PLAC1: variants seen among roughly 807,000 people sequenced by gnomAD.
PLAC1 encodes placenta-specific protein 1.
For missense variants in PLAC1, 136 were observed against 163.2 expected (o/e 0.83, Z 0.91); for synonymous variants, 68 against 62.1 (o/e 1.09, Z -0.44).
At chrX:134,708,912 C>T (rs778388157) in intron 2 of PLAC1, among the ~76,000 whole-genome samples, 3 of 111,157 alleles carry the variant, frequency 2.7e-5, no homozygotes, top group Non-Finnish European at 5.7e-5. Context: ...GTATCAATGT[C>T]GAATTCTTAG....
chrX:134,633,258 T>C (rs1181358321), intron 1 of PLAC1, among the ~76,000 whole-genome samples: 2 of 111,664 alleles, frequency 1.8e-5, no homozygotes, highest in Non-Finnish European at 3.8e-5. Context: ...TGATCAATGG[T>C]TTTGCTGCTC....
intron 2 of PLAC1, among the ~76,000 whole-genome samples, chrX:134,694,522 C>T (rs1310840689): frequency 8.9e-6 from 1 of 112,215 alleles, no homozygotes; most frequent in Non-Finnish European, 1.9e-5. Flanking sequence ...TCTCCTTGAG[C>T]AGGCCTGACT....
At chrX:134,656,049 A>G (rs1296504489) in intron 1 of PLAC1, among the ~76,000 whole-genome samples, 1 of 112,011 alleles carries the variant, frequency 8.9e-6, no homozygotes, top group Non-Finnish European at 1.9e-5. Context: ...GCCCTAAAGT[A>G]TTGCAACTGC....
intron 1 of PLAC1, among the ~76,000 whole-genome samples, chrX:134,626,485 C>G (rs924204178): frequency 4.4e-5 from 5 of 112,654 alleles, no homozygotes; most frequent in African/African-American, 1.6e-4. Context: ...TGTCTCCACA[C>G]ATAGGTCTCT....
At chrX:134,711,200 T>A (rs544167380) in intron 2 of PLAC1, among the ~76,000 whole-genome samples, 1 of 112,001 alleles carries the variant, frequency 8.9e-6, no homozygotes. Context: ...ATGATAGTCT[T>A]CCCTTAGGTT....
intron 2 of PLAC1, among the ~76,000 whole-genome samples, chrX:134,574,075 C>T (rs904596703): frequency 2.0e-5 from 2 of 101,882 alleles, no homozygotes; most frequent in Non-Finnish European, 3.9e-5. Flanking sequence ...CTCTCTGTCT[C>T]TCTCTCTCTC....
intron 1 of PLAC1, among the ~76,000 whole-genome samples, chrX:134,657,141 G>C (rs1378515573): frequency 8.9e-6 from 1 of 112,059 alleles, no homozygotes; most frequent in East Asian, 2.8e-4. Context: ...CAAGGGTTGC[G>C]ACCATCATCC....
chrX:134,566,162 G>A lies in PLAC1; in HGVS notation c.521C>T (p.Thr174Ile), dbSNP rs753350223. 1 of 1,209,727 alleles carries A rather than the reference G, an allele frequency of 8.3e-7. No homozygotes were observed. The highest frequency in any genetic ancestry group is 1.1e-6 in the Non-Finnish European group (1 of 894,973). ...PPCVFSEEEH[T>I]QVPCHQAGAQ... Reference sequence around the variant, plus strand: ...CCCTGCTTGGTGACAAGGGACCTGGGTATGCTCTTCTTCACTGAAGACACA... The same window carrying A: ...CCCTGCTTGGTGACAAGGGACCTGGATATGCTCTTCTTCACTGAAGACACA... Residue 174 changes from threonine (T) to isoleucine (I), a missense_variant, in exon 3 of 3, where the codon ACC becomes ATC. Transcript: ENST00000359237.
At chrX:134,595,080 G>A (rs1470431008) in intron 2 of PLAC1, among the ~76,000 whole-genome samples, 1 of 109,988 alleles carries the variant, frequency 9.1e-6, no homozygotes, top group East Asian at 2.8e-4. Flanking sequence ...CCAGTTCAAT[G>A]TATTTTAAAC....
Position 134,750,833 on chromosome X carries a change from ATT to A in PLAC1, n.89+13399_89+13400del, listed in dbSNP as rs1433381277. ...AAAAAATATATATATATATATATAT[ATT>A]TATATATATATTTATATATATATAT... On this transcript the variant is annotated intron_variant and non_coding_transcript_variant, in intron 1 of 2. Transcript: ENST00000466797. 4.8e-4 allele frequency among the ~76,000 whole-genome samples: 15 copies of A among 30,939 alleles called. 3 individuals carry two copies. Among genetic ancestry groups the A allele is most frequent in the African/African-American group, 2.6e-3 (12 of 4,611 alleles). 26.9% of individuals were successfully genotyped at this position (30,939 alleles called of 115,157 possible).
chrX:134,586,696 A>C (rs909345723), intron 2 of PLAC1, among the ~76,000 whole-genome samples: 1 of 79,878 alleles, frequency 1.3e-5, no homozygotes, highest in Non-Finnish European at 2.3e-5. Flanking sequence ...TTTGAGATGG[A>C]GCCTCACTCT....
intron 2 of PLAC1, chrX:134,601,608 A>G (rs1253748872): frequency 8.9e-6 from 1 of 112,055 alleles, no homozygotes; most frequent in Non-Finnish European, 1.9e-5. Flanking sequence ...TAGGCATTAG[A>G]CTCTCTCCTG....
intron 2 of PLAC1, among the ~76,000 whole-genome samples, chrX:134,708,350 G>A (rs1319339854): frequency 1.8e-5 from 2 of 111,196 alleles, no homozygotes; most frequent in Non-Finnish European, 3.8e-5. Context: ...TCCAGGGAAT[G>A]AAGAAAGGTA....
intron 1 of PLAC1, among the ~76,000 whole-genome samples, chrX:134,621,071 C>A (rs1044842361): frequency 1.8e-5 from 2 of 111,338 alleles, no homozygotes; most frequent in Non-Finnish European, 3.8e-5. Context: ...CTTGCCAGAC[C>A]AGTTTGTTTT....
chrX:134,629,314 T>C (rs1285854888), intron 1 of PLAC1, among the ~76,000 whole-genome samples: 2 of 111,916 alleles, frequency 1.8e-5, no homozygotes, highest in Non-Finnish European at 3.8e-5. Flanking sequence ...AGTATTTTTA[T>C]TGAGAGTTTT....
chrX:134,686,740 C>A (rs768236942), intron 2 of PLAC1, among the ~76,000 whole-genome samples: 3 of 111,633 alleles, frequency 2.7e-5, no homozygotes, highest in African/African-American at 9.8e-5. Context: ...TCAGGGCCAG[C>A]GCCGAGGCTT....
intron 2 of PLAC1, chrX:134,733,342 G>A (rs1385928493): frequency 9.0e-6 from 1 of 110,656 alleles, no homozygotes; most frequent in Non-Finnish European, 1.9e-5. Context: ...CCTTATGGGT[G>A]TGGTGGATTT....
At chrX:134,617,003 TG>T (rs1164102682) in intron 1 of PLAC1, among the ~76,000 whole-genome samples, 1 of 102,429 alleles carries the variant, frequency 9.8e-6, no homozygotes, top group East Asian at 3.1e-4. Flanking sequence ...GGTGGGGGGG[TG>T]GGGAGACTGG....
chrX:134,676,507 A>T (rs1414583668), intron 2 of PLAC1, among the ~76,000 whole-genome samples: 1 of 111,932 alleles, frequency 8.9e-6, no homozygotes, highest in East Asian at 2.8e-4. Context: ...AGAGATGATA[A>T]GAGATCCCAA....
Sources: gnomAD v4.1 joint callset for allele counts (sites outside exome capture counted in the v4.1 genomes callset) on GRCh38, gnomAD v4.1.1 for gene constraint, MANE v1.5 for transcripts, NCBI Gene and HGNC (gene_info 2026-07-23, HGNC 2026-07-21) for gene names.